Variants in CSMD3 observed in about 807,000 individuals in gnomAD.
CSMD3 encodes CUB and Sushi multiple domains 3, also known as CUB and sushi domain-containing protein 3.
CSMD3 carries 177 observed loss-of-function variants against 435.2 expected under a neutral mutation model. The ratio of observed to expected loss-of-function variants is 0.41; its 90% confidence interval spans 0.36 to 0.46. The LOEUF is 0.46. CSMD3 is among the 20% of genes least tolerant of loss of function. CSMD3 has a pLI of 0.34. For synonymous variants in CSMD3, 1,656 were observed against 1,520.5 expected, an observed-to-expected ratio of 1.09 and a Z score of -2.07; for missense variants, 4,265 against 4,504.6, an observed-to-expected ratio of 0.95 and a Z score of 1.52.
At chr8:113,208,385 C>A (rs2092795055) in intron 3 of CSMD3, among the ~76,000 whole-genome samples, 1 of 152,010 alleles carries the variant, frequency 6.6e-6, no homozygotes, top group South Asian at 2.1e-4. Context: ...CTCTTCCATA[C>A]AATATGGACA....
Position 112,994,620 on chromosome 8 carries a change from A to G in CSMD3, c.1031-18472T>C, listed in dbSNP as rs1587846647. ...TTAGATATAATTACTTCTATGTTAC[A>G]CTGATAAAATTGAGATTCCAAGGGC... On this transcript the variant is annotated intron_variant, in intron 6 of 70. Transcript: ENST00000297405. 4.0e-5 allele frequency among the ~76,000 whole-genome samples: 6 copies of G among 151,696 alleles called. 1 individual carries two copies. In the Admixed American group the frequency reaches 4.0e-4, roughly 10 times the overall value.
At chr8:113,019,526 T>C (rs554634284) in intron 5 of CSMD3, among the ~76,000 whole-genome samples, 1 of 148,992 alleles carries the variant, frequency 6.7e-6, no homozygotes, top group African/African-American at 2.4e-5. Context: ...ATATGTTATA[T>C]ATTGTTTATT....
At chr8:112,455,796 A>T (rs1184464026) in intron 32 of CSMD3, among the ~76,000 whole-genome samples, 1 of 152,024 alleles carries the variant, frequency 6.6e-6, no homozygotes, top group East Asian at 1.9e-4. Flanking sequence ...ATTACACAGC[A>T]TGTTGCCTCA....
chr8:112,613,429 A>G (rs1484547484), intron 22 of CSMD3, among the ~76,000 whole-genome samples: 1 of 152,184 alleles, frequency 6.6e-6, no homozygotes, highest in Non-Finnish European at 1.5e-5. Context: ...CATTTGAAAT[A>G]CCTTAAAATA....
intron 13 of CSMD3, among the ~76,000 whole-genome samples, chr8:112,749,648 T>C (rs1013561416): frequency 2.0e-5 from 3 of 152,088 alleles, no homozygotes; most frequent in Non-Finnish European, 4.4e-5. Context: ...AAATGAATAT[T>C]ATTGTGCAGC....
intron 1 of CSMD3, among the ~76,000 whole-genome samples, chr8:113,395,069 A>G (rs561367066): frequency 1.4e-5 from 2 of 146,614 alleles, no homozygotes; most frequent in African/African-American, 4.9e-5. Context: ...CCAACGTGAT[A>G]CTGTTTTAGT....
At chr8:112,447,949 A>G (rs925934118) in intron 32 of CSMD3, among the ~76,000 whole-genome samples, 3 of 152,134 alleles carry the variant, frequency 2.0e-5, no homozygotes, top group Non-Finnish European at 4.4e-5. Flanking sequence ...ATACCTGTGT[A>G]TGTCACCTTA....
At chr8:113,145,618 G>T (rs966234484) in intron 4 of CSMD3, among the ~76,000 whole-genome samples, 4 of 151,424 alleles carry the variant, frequency 2.6e-5, no homozygotes, top group African/African-American at 9.7e-5. Flanking sequence ...AAGGTATAAT[G>T]GTATTTTTAT....
intron 2 of CSMD3, among the ~76,000 whole-genome samples, chr8:113,291,350 CA>C (rs2093685209): frequency 6.6e-6 from 1 of 151,688 alleles, no homozygotes; most frequent in African/African-American, 2.4e-5. Flanking sequence ...ATATTTCAAT[CA>C]TTTAACATTT....
intron 5 of CSMD3, among the ~76,000 whole-genome samples, chr8:113,088,654 G>C (rs1239703213): frequency 7.1e-6 from 1 of 141,656 alleles, no homozygotes; most frequent in Non-Finnish European, 1.5e-5. Flanking sequence ...GGTGGGAATT[G>C]AACAATGAGA....
intron 22 of CSMD3, among the ~76,000 whole-genome samples, chr8:112,597,805 CA>C (rs1831886417): frequency 9.6e-6 from 1 of 104,304 alleles, no homozygotes; most frequent in Non-Finnish European, 1.9e-5. Context: ...AAGCCTTTGA[CA>C]AAATTCAACA....
chr8:113,333,403 T>A (rs946228861), intron 1 of CSMD3, among the ~76,000 whole-genome samples: 1 of 151,874 alleles, frequency 6.6e-6, no homozygotes, highest in South Asian at 2.1e-4. Context: ...AAAAGTGTAA[T>A]AGTTTTATGT....
At chr8:113,221,715 C>T (rs1441186563) in intron 3 of CSMD3, among the ~76,000 whole-genome samples, 2 of 151,088 alleles carry the variant, frequency 1.3e-5, no homozygotes, top group Non-Finnish European at 3.0e-5. Context: ...ATATTTTGCC[C>T]CTTATTTCAT....
At chr8:112,228,713 C>G (rs781531530) in intron 70 of CSMD3, 43 bp downstream of exon 70, 1 of 1,575,876 alleles carries the variant, frequency 6.3e-7, no homozygotes, top group Non-Finnish European at 8.7e-7. Flanking sequence ...ACATGAAAAA[C>G]AGATTTGGGA....
At chr8:113,269,886 T>C (rs1183091418) in intron 3 of CSMD3, among the ~76,000 whole-genome samples, 1 of 151,640 alleles carries the variant, frequency 6.6e-6, no homozygotes, top group Non-Finnish European at 1.5e-5. Flanking sequence ...GCAATACCAT[T>C]CAGGACATAG....
intron 4 of CSMD3, among the ~76,000 whole-genome samples, chr8:113,121,384 T>C (rs946631981): frequency 5.3e-5 from 8 of 152,120 alleles, no homozygotes; most frequent in Non-Finnish European, 8.8e-5. Flanking sequence ...TGTACCATTG[T>C]TTTCTACAAA....
chr8:113,014,179 C>T (rs1240180493), intron 6 of CSMD3, among the ~76,000 whole-genome samples: 1 of 152,132 alleles, frequency 6.6e-6, no homozygotes, highest in Non-Finnish European at 1.5e-5. Context: ...GCTAACGTTC[C>T]TATTTCTGGT....
intron 1 of CSMD3, among the ~76,000 whole-genome samples, chr8:113,315,621 T>C (rs2132676221): frequency 6.7e-6 from 1 of 148,382 alleles, no homozygotes; most frequent in Non-Finnish European, 1.5e-5. Context: ...ATCTCAAATA[T>C]ATCACAAATA....
At chr8:112,359,531 T>A (rs1826970199) in intron 38 of CSMD3, among the ~76,000 whole-genome samples, 1 of 152,168 alleles carries the variant, frequency 6.6e-6, no homozygotes, top group African/African-American at 2.4e-5. Flanking sequence ...ATATCTAGAT[T>A]ATTTCTTAAT....
Sources: gnomAD v4.1 joint callset for allele counts (sites outside exome capture counted in the v4.1 genomes callset) on GRCh38, gnomAD v4.1.1 for gene constraint, MANE v1.5 for transcripts, NCBI Gene and HGNC (gene_info 2026-07-23, HGNC 2026-07-21) for gene names.